MYLK: variants seen among roughly 807,000 people sequenced by gnomAD.
MYLK encodes myosin light chain kinase, smooth muscle.
MYLK carries 106 observed loss-of-function variants against 203.4 expected under a neutral mutation model. That is an observed-to-expected ratio of 0.52 (90% CI 0.45 to 0.61). The LOEUF is 0.61. MYLK is among the 20% of genes least tolerant of loss of function. The pLI is 0.00. For synonymous variants in MYLK, 867 were observed against 959.5 expected, an observed-to-expected ratio of 0.90 and a Z score of 1.78; for missense variants, 2,072 against 2,442.3, an observed-to-expected ratio of 0.85 and a Z score of 3.20.
intron 4 of MYLK, among the ~76,000 whole-genome samples, chr3:123,759,640 T>C (rs2063471425): frequency 6.6e-6 from 1 of 152,176 alleles, no homozygotes; most frequent in Admixed American, 6.5e-5. Flanking sequence ...AAGCACTTGG[T>C]CTCAAACAAT....
rs139733349 is a variant in MYLK, at chr3:123,667,781, C to A, written c.3653-594G>T. ...TCTAAAATGCTCGTGCTCCCATAGC[C>A]CTTTTCGAAGACGATAATGCCACAC... On this transcript the variant is annotated intron_variant, in intron 20 of 33. Coordinates refer to ENST00000360304, the MANE Select transcript of MYLK (RefSeq NM_053025.4). Among the ~76,000 whole-genome samples, 809 of 152,226 alleles carry A rather than the reference C, an allele frequency of 5.3e-3. 3 individuals carry two copies. The highest frequency in any genetic ancestry group is 0.019 in the African/African-American group (772 of 41,538).
chr3:123,699,530 G>A (rs966869749), intron 18 of MYLK, among the ~76,000 whole-genome samples: 8 of 152,156 alleles, frequency 5.3e-5, no homozygotes, highest in Admixed American at 1.3e-4. Context: ...TCAGAGCTCC[G>A]TGCCATCTGG....
Position 123,642,838 on chromosome 3 carries a change from T to C in MYLK, c.4620-2334A>G, listed in dbSNP as rs1266114122. 6.6e-6 allele frequency among the ~76,000 whole-genome samples: 1 copy of C among 152,236 alleles called. No homozygotes were observed. The highest frequency in any genetic ancestry group is 1.5e-5 in the Non-Finnish European group (1 of 68,032). On this transcript the variant is annotated intron_variant, in intron 27 of 33. Coordinates refer to ENST00000360304, the MANE Select transcript of MYLK (RefSeq NM_053025.4). This position sits in a 1 kb window ranked among gnomAD's most constrained non-coding sequence, Gnocchi z 4.2. ...TGTCTGGCACACAGTCAATGCTCAA[T>C]ATTAATGATCAATTTTCTATGTAAA...
At chr3:123,699,526 C>T (rs1365866036) in intron 18 of MYLK, among the ~76,000 whole-genome samples, 1 of 152,248 alleles carries the variant, frequency 6.6e-6, no homozygotes, top group Admixed American at 6.5e-5. Context: ...CAACTCAGAG[C>T]TCCGTGCCAT....
chr3:123,658,566 T>C (rs1166902529), intron 23 of MYLK, among the ~76,000 whole-genome samples: 1 of 152,242 alleles, frequency 6.6e-6, no homozygotes, highest in Non-Finnish European at 1.5e-5. Context: ...AAACTAGCAA[T>C]TGAAACCATG....
At chr3:123,748,806 C>T (rs2063100013) in intron 5 of MYLK, among the ~76,000 whole-genome samples, 2 of 152,264 alleles carry the variant, frequency 1.3e-5, no homozygotes, top group South Asian at 4.1e-4. Context: ...CACGGTGGCT[C>T]ACACCTGTAA....
intron 19 of MYLK, among the ~76,000 whole-genome samples, chr3:123,687,058 C>T (rs2060484335): frequency 6.6e-6 from 1 of 152,056 alleles, no homozygotes; most frequent in African/African-American, 2.4e-5. Flanking sequence ...CCCTTCTCTA[C>T]TAAAAATACA....
At chr3:123,871,554 TTC>T (rs1407135359) in intron 2 of MYLK, among the ~76,000 whole-genome samples, 1 of 152,196 alleles carries the variant, frequency 6.6e-6, no homozygotes, top group East Asian at 1.9e-4. Flanking sequence ...TTTATAAATA[TTC>T]TGTCTTTTAG....
intron 27 of MYLK, 62 bp downstream of exon 27, chr3:123,647,162 G>C (rs114912475): frequency 1.3e-6 from 2 of 1,491,796 alleles, no homozygotes; most frequent in African/African-American, 1.4e-5. Flanking sequence ...GGGTAGGGCA[G>C]TAGGGGAGAC....
At chr3:123,694,190 C>G (rs2060808010) in intron 18 of MYLK, among the ~76,000 whole-genome samples, 1 of 152,160 alleles carries the variant, frequency 6.6e-6, no homozygotes, top group Admixed American at 6.5e-5. Context: ...ACAGAGAAAC[C>G]TTCATCCTAT....
At position 123,666,279 on chromosome 3, in the gene MYLK, C is replaced by G. The variant is rs748739195; in HGVS notation, c.3771G>C (p.Leu1257=). 1 of 1,614,114 alleles carries G rather than the reference C, an allele frequency of 6.2e-7. No homozygotes were observed. The highest frequency in any genetic ancestry group is 2.2e-5 in the East Asian group (1 of 44,900). ...GCTGAGTGCCTGTCACTTTGCCAAA[C>G]AGCTCCACTGACTCTCCTGCGCGTA... ...QKVRAGESVE[L]FGKVTGTQPI... The change falls in exon 22 of 34, where the codon CTG becomes CTC. Residue 1257 remains leucine (L), a synonymous_variant. Coordinates refer to ENST00000360304, the MANE Select transcript of MYLK (RefSeq NM_053025.4).
chr3:123,818,517 C>T (rs1474917866), intron 3 of MYLK, among the ~76,000 whole-genome samples: 44 of 152,080 alleles, frequency 2.9e-4, no homozygotes, highest in Admixed American at 2.9e-3. Flanking sequence ...CGGCAAACCA[C>T]AACTCTACAA....
intron 1 of MYLK, among the ~76,000 whole-genome samples, chr3:123,881,627 G>C (rs1218779512): frequency 6.6e-6 from 1 of 152,034 alleles, no homozygotes; most frequent in Non-Finnish European, 1.5e-5. Context: ...CCCAAGCAAG[G>C]CTGCATTCTG....
At chr3:123,864,537 G>C (rs965094551) in intron 2 of MYLK, among the ~76,000 whole-genome samples, 1 of 152,174 alleles carries the variant, frequency 6.6e-6, no homozygotes, top group African/African-American at 2.4e-5. Context: ...GTTAACTTTA[G>C]AATCTAGGTG....
At chr3:123,747,489 C>T (rs564544330) in intron 5 of MYLK, among the ~76,000 whole-genome samples, 23 of 152,134 alleles carry the variant, frequency 1.5e-4, no homozygotes, top group Non-Finnish European at 2.9e-4. Context: ...AGCAGCCCTC[C>T]GGGTGATTCT....
intron 1 of MYLK, among the ~76,000 whole-genome samples, chr3:123,879,374 G>T (rs1350033324): frequency 1.3e-5 from 2 of 152,094 alleles, no homozygotes; most frequent in African/African-American, 4.8e-5. Flanking sequence ...AGCAAGGAAG[G>T]AGCTAACAGC....
chr3:123,814,471 C>A (rs1352766679), intron 3 of MYLK, among the ~76,000 whole-genome samples: 3 of 152,194 alleles, frequency 2.0e-5, no homozygotes, highest in Non-Finnish European at 4.4e-5. Context: ...ACAATATTGG[C>A]TAAAAGTTTG....
intron 16 of MYLK, among the ~76,000 whole-genome samples, chr3:123,706,491 T>C (rs959375871): frequency 3.0e-4 from 46 of 152,128 alleles, no homozygotes; most frequent in African/African-American, 1.1e-3. Flanking sequence ...GGTCTAACCA[T>C]CCTCAGGATG....
intron 3 of MYLK, among the ~76,000 whole-genome samples, chr3:123,795,181 T>C (rs774829415): frequency 1.3e-5 from 2 of 152,214 alleles, no homozygotes; most frequent in Admixed American, 6.5e-5. Flanking sequence ...AAGCATACTA[T>C]GTAAACAATG....
Sources: gnomAD v4.1 joint callset for allele counts (sites outside exome capture counted in the v4.1 genomes callset) on GRCh38, gnomAD v4.1.1 for gene constraint, Gnocchi (gnomAD v3.1) non-coding constraint, MANE v1.5 for transcripts, NCBI Gene and HGNC (gene_info 2026-07-23, HGNC 2026-07-21) for gene names.